GUCY2F: variants seen among roughly 807,000 people sequenced by gnomAD.
GUCY2F encodes guanylate cyclase 2F, retinal.
In GUCY2F, 61 loss-of-function variants were observed where a neutral mutation model predicts 73.1. The ratio of observed to expected loss-of-function variants is 0.83; its 90% CI spans 0.68 to 1.03. The LOEUF (loss-of-function observed/expected upper bound fraction) is 1.03, where lower values mean the gene tolerates loss of function less well. Ranked by LOEUF, GUCY2F falls within the 50% of genes least tolerant of loss-of-function variation. GUCY2F has a pLI of 0.00. For synonymous variants in GUCY2F, 331 were observed against 307.8 expected (o/e 1.08, Z -0.79); for missense variants, 912 against 854.3 (o/e 1.07, Z -0.84).
At chrX:109,398,773 A>G in intron 10 of GUCY2F, 75 bp from the exon 11 acceptor site, 1 of 947,714 alleles carries the variant, frequency 1.1e-6, no homozygotes, top group East Asian at 3.1e-5. Flanking sequence ...AAGGGCTCAG[A>G]GGGTACTGTT....
At chrX:109,463,570 T>C (rs183581912) in intron 3 of GUCY2F, among the ~76,000 whole-genome samples, 1,535 of 109,080 alleles carry the variant, frequency 0.014, 32 homozygotes, top group African/African-American at 0.047. Context: ...CCCGAGTAGC[T>C]GGGACTACAG....
intron 6 of GUCY2F, among the ~76,000 whole-genome samples, chrX:109,445,649 A>C (rs1227561368): frequency 9.0e-6 from 1 of 111,672 alleles, no homozygotes; most frequent in Non-Finnish European, 1.9e-5. Context: ...TATTTATGAC[A>C]AACCCACAGC....
chrX:109,475,213 T>C lies in GUCY2F; in HGVS notation c.724A>G (p.Ile242Val), dbSNP rs1184951370. 8.4e-7 allele frequency: 1 copy of C among 1,197,022 alleles called. No homozygotes were observed. Among genetic ancestry groups the C allele is most frequent in the Non-Finnish European group, 1.1e-6 (1 of 887,604 alleles). The change falls in exon 2 of 20, where the codon ATT becomes GTT. Residue 242 changes from isoleucine (I) to valine (V), a missense_variant. Ile to Val is a conservative substitution (Grantham distance 29). Transcript: ENST00000218006. ...AGCGGGAGAAAGCACTCACTGCGAA[T>C]TCTGTCTGCCTGGTGAATCCTCTGG... ...ALQRIHQADR[I>V]RIIIMCMHSA...
At chrX:109,384,469 G>A (rs1298493361) in intron 16 of GUCY2F, among the ~76,000 whole-genome samples, 1 of 112,219 alleles carries the variant, frequency 8.9e-6, no homozygotes, top group Non-Finnish European at 1.9e-5. Flanking sequence ...GTAAATAACC[G>A]AGTAAGAGTT....
chrX:109,403,467 C>T (rs1289396571), intron 10 of GUCY2F, among the ~76,000 whole-genome samples: 1 of 111,715 alleles, frequency 9.0e-6, no homozygotes, highest in African/African-American at 3.3e-5. Flanking sequence ...CAGGGATAAT[C>T]TTGCAAGCCA....
At chrX:109,404,594 G>T in intron 9 of GUCY2F, 110 bp from the exon 10 acceptor site, 1 of 536,200 alleles carries the variant, frequency 1.9e-6, no homozygotes, top group African/African-American at 2.3e-5. Context: ...CCAGAACTCA[G>T]CTTTTTTCTC....
chrX:109,461,987 A>T (rs1932372558), intron 3 of GUCY2F, among the ~76,000 whole-genome samples: 1 of 112,549 alleles, frequency 8.9e-6, no homozygotes, highest in African/African-American at 3.2e-5. Flanking sequence ...ATAATTTTGA[A>T]AGCTGGAAAT....
chrX:109,384,982 C>A (rs987753776), intron 16 of GUCY2F, among the ~76,000 whole-genome samples: 3 of 111,716 alleles, frequency 2.7e-5, no homozygotes, highest in Middle Eastern at 4.2e-3. Context: ...GGTACATGTT[C>A]AGTCCAACAT....
intron 7 of GUCY2F, among the ~76,000 whole-genome samples, chrX:109,440,225 C>T (rs1244528690): frequency 1.8e-5 from 2 of 111,951 alleles, no homozygotes; most frequent in Non-Finnish European, 3.8e-5. Context: ...TTGCTGCACC[C>T]TCCAGAAGGG....
At chrX:109,402,066 C>T (rs919165224) in intron 10 of GUCY2F, among the ~76,000 whole-genome samples, 1 of 111,462 alleles carries the variant, frequency 9.0e-6, no homozygotes, top group Admixed American at 9.5e-5. Flanking sequence ...AATGGGAAGC[C>T]ATTCGATAGA....
At chrX:109,476,640 A>C (rs145282401) in intron 1 of GUCY2F, among the ~76,000 whole-genome samples, 5 of 110,125 alleles carry the variant, frequency 4.5e-5, no homozygotes, top group Non-Finnish European at 7.6e-5. Context: ...AGCCAGGTGA[A>C]TGAAGTTGCA....
At chrX:109,450,371 A>T (rs1268956431) in intron 5 of GUCY2F, among the ~76,000 whole-genome samples, 2 of 111,403 alleles carry the variant, frequency 1.8e-5, no homozygotes, top group African/African-American at 6.5e-5. Context: ...GAACCAGTCC[A>T]TACAGTGGGA....
Position 109,465,339 on chromosome X carries a change from C to A in GUCY2F, c.835G>T (p.Val279Phe). ...CTGTAGAGCAGGGCATCATAAGGAACAAAGACGTAGGTTCCATCAGTCATT... is the reference window on the plus strand; with the variant it reads ...CTGTAGAGCAGGGCATCATAAGGAAAAAAGACGTAGGTTCCATCAGTCATT... ...LKMTDGTYVF[V>F]PYDALLYSLP... is the part of the protein sequence containing the mutation. Residue 279 changes from valine to phenylalanine, a missense_variant, in exon 3 of 20, where the codon GTT becomes TTT. Coordinates refer to ENST00000218006, the MANE Select transcript of GUCY2F (RefSeq NM_001522.3). The A allele has an allele frequency of 8.3e-7, 1 of 1,202,582 alleles. No individual in the cohort carries two copies. The highest frequency in any genetic ancestry group is 1.1e-6 in the Non-Finnish European group (1 of 887,326).
intron 15 of GUCY2F, among the ~76,000 whole-genome samples, chrX:109,386,197 GA>G (rs1413690728): frequency 8.9e-6 from 1 of 111,966 alleles, no homozygotes; most frequent in East Asian, 2.8e-4. Context: ...TAATTGAAGA[GA>G]AGATACTATC....
chrX:109,419,605 T>C (rs937508344), intron 8 of GUCY2F, among the ~76,000 whole-genome samples: 8 of 110,508 alleles, frequency 7.2e-5, no homozygotes, highest in African/African-American at 2.6e-4. Context: ...AAGGCAAAGA[T>C]GTCTGCTCTT....
At chrX:109,469,219 G>C (rs1261673702) in intron 2 of GUCY2F, among the ~76,000 whole-genome samples, 1 of 111,623 alleles carries the variant, frequency 9.0e-6, no homozygotes, top group African/African-American at 3.3e-5. Context: ...ATAGCAGGCT[G>C]TCTAGGACCC....
chrX:109,400,188 G>C (rs17313567), intron 10 of GUCY2F, among the ~76,000 whole-genome samples: 4,057 of 108,347 alleles, frequency 0.037, 58 homozygotes, highest in Non-Finnish European at 0.048. Context: ...TGCAGTAAGA[G>C]CAGGTAGTGA....
chrX:109,378,239 G>T (rs1027605545), intron 17 of GUCY2F, among the ~76,000 whole-genome samples: 1 of 111,539 alleles, frequency 9.0e-6, no homozygotes, highest in African/African-American at 3.3e-5. Flanking sequence ...GATTCCTGGA[G>T]ATTAAATGAC....
chrX:109,457,209 C>T (rs774762929), intron 3 of GUCY2F, among the ~76,000 whole-genome samples: 1 of 111,757 alleles, frequency 8.9e-6, no homozygotes, highest in East Asian at 2.8e-4. Context: ...AAGTTTTTAT[C>T]CAAGAGAATA....
Sources: gnomAD v4.1 joint callset for allele counts (sites outside exome capture counted in the v4.1 genomes callset) on GRCh38, gnomAD v4.1.1 for gene constraint, MANE v1.5 for transcripts, NCBI Gene and HGNC (gene_info 2026-07-23, HGNC 2026-07-21) for gene names.